The following CCSER1 variants were observed in gnomAD, a reference collection of about 807,000 sequenced individuals.
The protein encoded by CCSER1 is coiled-coil serine rich protein 1.
In CCSER1, 41 loss-of-function variants were observed where a neutral mutation model predicts 82.0. The observed-to-expected ratio is 0.50, with a 90% confidence interval of 0.39 to 0.65. The LOEUF is 0.65. Ranked by LOEUF, CCSER1 falls within the 30% of genes least tolerant of loss-of-function variation. The pLI, the probability that CCSER1 is intolerant of heterozygous loss-of-function variation, is 0.00. For synonymous variants in CCSER1, 414 were observed against 383.9 expected (o/e 1.08, Z -0.92); for missense variants, 1,119 against 1,064.2 (o/e 1.05, Z -0.72).
chr4:90,639,063 G>C (rs918716773), intron 6 of CCSER1, among the ~76,000 whole-genome samples: 1 of 151,988 alleles, frequency 6.6e-6, no homozygotes, highest in African/African-American at 2.4e-5. Context: ...AGGCACTCAT[G>C]AACATGAGCC....
chr4:91,482,919 G>A (rs908328859), intron 10 of CCSER1, among the ~76,000 whole-genome samples: 1 of 151,946 alleles, frequency 6.6e-6, no homozygotes, highest in African/African-American at 2.4e-5. Context: ...ACAGGAAGGG[G>A]AACATCACAC....
At chr4:91,279,932 G>A (rs1272221634) in intron 10 of CCSER1, among the ~76,000 whole-genome samples, 2 of 152,202 alleles carry the variant, frequency 1.3e-5, no homozygotes, top group Non-Finnish European at 1.5e-5. Context: ...TGTATCTGTG[G>A]TGTTCGTTGG....
intron 10 of CCSER1, among the ~76,000 whole-genome samples, chr4:91,249,176 T>C (rs112724694): frequency 0.018 from 2,787 of 152,248 alleles, 88 homozygotes; most frequent in African/African-American, 0.061. Context: ...TGTAGTTTTA[T>C]ATTTTTTCTA....
chr4:90,838,879 T>TGCATATTGGC, intron 8 of CCSER1: 1 of 1,612,860 alleles, frequency 6.2e-7, no homozygotes, highest in Non-Finnish European at 8.5e-7. Context: ...GAATGTACAG[T>TGCATATTGGC]GCATATTGGC....
intron 5 of CCSER1, among the ~76,000 whole-genome samples, chr4:90,621,124 T>C (rs1054385923): frequency 3.3e-5 from 5 of 152,178 alleles, no homozygotes; most frequent in African/African-American, 1.2e-4. Context: ...CGGCCACCAG[T>C]GTTTTTTACA....
At chr4:90,241,620 T>A (rs1459543902) in intron 1 of CCSER1, among the ~76,000 whole-genome samples, 1 of 152,190 alleles carries the variant, frequency 6.6e-6, no homozygotes, top group Admixed American at 6.5e-5. Context: ...GACAATTTGC[T>A]TTGGATTTGT....
intron 8 of CCSER1, among the ~76,000 whole-genome samples, chr4:90,851,941 T>A (rs571469296): frequency 6.6e-6 from 1 of 152,332 alleles, no homozygotes; most frequent in Non-Finnish European, 1.5e-5. Flanking sequence ...AATTTTGACC[T>A]TTAATATATA....
At chr4:90,278,169 T>C (rs1452086549) in intron 1 of CCSER1, among the ~76,000 whole-genome samples, 1 of 151,846 alleles carries the variant, frequency 6.6e-6, no homozygotes, top group Non-Finnish European at 1.5e-5. Context: ...TGTTGAAAAG[T>C]CAAAAAATGG....
intron 1 of CCSER1, among the ~76,000 whole-genome samples, chr4:90,279,813 C>T (rs893195280): frequency 2.0e-5 from 3 of 151,966 alleles, no homozygotes; most frequent in African/African-American, 7.2e-5. Flanking sequence ...TCTATTTGAA[C>T]TAGCTGTGGC....
Position 90,489,988 on chromosome 4 carries a change from G to A in CCSER1, c.1724+21634G>A, listed in dbSNP as rs527268969. ...ATAGTGCCGCAATAAACATACGTGT[G>A]CATGTGTCTTTATAGCAGCTTGATT... On this transcript the variant is annotated intron_variant, in intron 5 of 10. Coordinates refer to ENST00000509176, the MANE Select transcript of CCSER1 (RefSeq NM_001145065.2). Among the ~76,000 whole-genome samples, 29 of 152,266 alleles carry A rather than the reference G, an allele frequency of 1.9e-4. No individual in the cohort carries two copies. In the East Asian group the frequency reaches 3.3e-3, roughly 17 times the overall value.
At chr4:90,561,849 T>C (rs773234060) in intron 5 of CCSER1, among the ~76,000 whole-genome samples, 10 of 152,312 alleles carry the variant, frequency 6.6e-5, no homozygotes, top group South Asian at 2.1e-4. Flanking sequence ...TGGAAAATGA[T>C]ATAACTAATA....
chr4:91,476,817 G>A (rs990080371), intron 10 of CCSER1, among the ~76,000 whole-genome samples: 2 of 151,544 alleles, frequency 1.3e-5, no homozygotes, highest in East Asian at 1.9e-4. Flanking sequence ...ATTGAAGAAA[G>A]GACAATCTCT....
intron 5 of CCSER1, among the ~76,000 whole-genome samples, chr4:90,547,883 G>T (rs537686967): frequency 6.6e-6 from 1 of 152,034 alleles, no homozygotes; most frequent in Non-Finnish European, 1.5e-5. Context: ...ATATAACAGT[G>T]GCAAAATATG....
At chr4:90,652,836 TAGA>T (rs57966285) in intron 6 of CCSER1, among the ~76,000 whole-genome samples, 77,583 of 151,606 alleles carry the variant, frequency 0.51, 20,071 homozygotes, top group Middle Eastern at 0.67. Context: ...CCTGTCTTAC[TAGA>T]AGAATCCAAG....
chr4:90,544,505 A>G (rs1776509241), intron 5 of CCSER1, among the ~76,000 whole-genome samples: 1 of 152,138 alleles, frequency 6.6e-6, no homozygotes, highest in African/African-American at 2.4e-5. Flanking sequence ...GCAACCCTGC[A>G]TGATAATATG....
chr4:90,283,083 C>T (rs955132653), intron 1 of CCSER1, among the ~76,000 whole-genome samples: 1 of 152,070 alleles, frequency 6.6e-6, no homozygotes, highest in East Asian at 1.9e-4. Flanking sequence ...TCCTTGCAAT[C>T]TACTACATGA....
chr4:90,237,267 G>A (rs933355625), intron 1 of CCSER1, among the ~76,000 whole-genome samples: 1 of 152,114 alleles, frequency 6.6e-6, no homozygotes, highest in African/African-American at 2.4e-5. Flanking sequence ...GAAGACAAAT[G>A]GCATTTATAA....
At chr4:91,514,625 C>A (rs201872772) in intron 10 of CCSER1, among the ~76,000 whole-genome samples, 1 of 151,688 alleles carries the variant, frequency 6.6e-6, no homozygotes, top group Non-Finnish European at 1.5e-5. Flanking sequence ...AATCTGGGTT[C>A]AAAAATAGAT....
chr4:91,423,196 C>T (rs906011410), intron 10 of CCSER1, among the ~76,000 whole-genome samples: 2 of 150,856 alleles, frequency 1.3e-5, no homozygotes, highest in East Asian at 1.9e-4. Flanking sequence ...GAGGCTGAGG[C>T]GGGCAGATCA....
Sources: allele counts gnomAD v4.1 joint callset (sites outside exome capture counted in the v4.1 genomes callset), GRCh38; gene constraint gnomAD v4.1.1; transcripts MANE v1.5; gene names NCBI Gene and HGNC (gene_info 2026-07-23, HGNC 2026-07-21).